The following CDH12 variants were observed in gnomAD, a reference collection of about 807,000 sequenced individuals.
The protein encoded by CDH12 is cadherin-12.
In CDH12, 41 loss-of-function variants were observed where a neutral mutation model predicts 74.1. The observed-to-expected ratio is 0.55, with a 90% CI of 0.43 to 0.72. The LOEUF (loss-of-function observed/expected upper bound fraction) is 0.72. Among genes scored for constraint, CDH12 ranks in the 30% least tolerant of loss-of-function variants. The pLI, the probability that CDH12 is intolerant of heterozygous loss-of-function variation, is 0.00. For synonymous variants in CDH12, 399 were observed against 355.0 expected (o/e 1.12, Z -1.39); for missense variants, 945 against 977.2 (o/e 0.97, Z 0.44).
chr5:22,087,361 CG>C (rs1286497592), intron 4 of CDH12, among the ~76,000 whole-genome samples: 1 of 152,028 alleles, frequency 6.6e-6, no homozygotes, highest in African/African-American at 2.4e-5. Flanking sequence ...GAAAAAAGGT[CG>C]GGTGTGATGG....
intron 7 of CDH12, among the ~76,000 whole-genome samples, chr5:21,847,504 G>A (rs1750237359): frequency 6.6e-6 from 1 of 152,000 alleles, no homozygotes; most frequent in Admixed American, 6.6e-5. Flanking sequence ...GACAATGGCA[G>A]CACTCCCTGG....
At chr5:22,543,534 C>A (rs1260070464) in intron 1 of CDH12, among the ~76,000 whole-genome samples, 1 of 151,920 alleles carries the variant, frequency 6.6e-6, no homozygotes, top group Non-Finnish European at 1.5e-5. Context: ...TAATATTAAA[C>A]CACCAAAAGG....
At chr5:22,544,994 C>T (rs1358368895) in intron 1 of CDH12, among the ~76,000 whole-genome samples, 2 of 152,104 alleles carry the variant, frequency 1.3e-5, no homozygotes, top group Non-Finnish European at 2.9e-5. Context: ...ACTATTCCAT[C>T]TACTCACACA....
intron 3 of CDH12, among the ~76,000 whole-genome samples, chr5:22,301,833 T>A (rs1424706547): frequency 6.6e-6 from 1 of 151,844 alleles, no homozygotes; most frequent in Non-Finnish European, 1.5e-5. Flanking sequence ...TTCATTTATT[T>A]ATTTATTGTA....
intron 3 of CDH12, among the ~76,000 whole-genome samples, chr5:22,336,412 T>C (rs1739582804): frequency 6.6e-6 from 1 of 152,152 alleles, no homozygotes; most frequent in South Asian, 2.1e-4. Context: ...CTCCAGGGCA[T>C]GTTAGAGGTC....
intron 1 of CDH12, chr5:22,639,103 G>T (rs1739002625): frequency 7.3e-6 from 1 of 136,114 alleles, no homozygotes; most frequent in Admixed American, 7.7e-5. Flanking sequence ...GCCTGGAGAA[G>T]CAGACGTTTT....
chr5:21,990,967 G>A (rs1174835402), intron 5 of CDH12, among the ~76,000 whole-genome samples: 2 of 150,480 alleles, frequency 1.3e-5, no homozygotes, highest in African/African-American at 4.9e-5. Context: ...TATCTTGAGA[G>A]AAAAAAACCA....
chr5:22,500,197 T>A (rs190847457), intron 2 of CDH12, among the ~76,000 whole-genome samples: 2 of 152,290 alleles, frequency 1.3e-5, no homozygotes, highest in East Asian at 3.9e-4. Context: ...CTTGCCTCAC[T>A]GTGTATGAAT....
rs566824791 is a variant in CDH12, at chr5:22,007,155, T to C, written c.232-31770A>G. 8.7e-4 allele frequency among the ~76,000 whole-genome samples: 133 copies of C among 152,284 alleles called. 3 individuals are homozygous for C. Among genetic ancestry groups the C allele is most frequent in the Admixed American group, 8.6e-3 (132 of 15,300 alleles). ...TCTAGTGTAACAGTAGATAGCACTA[T>C]ATAAGGAAACCAATAAAGGTAATAA... On this transcript the variant is annotated intron_variant, in intron 5 of 14. Coordinates refer to ENST00000382254, the MANE Select transcript of CDH12 (RefSeq NM_004061.5).
chr5:22,157,596 A>T (rs1748100583), intron 4 of CDH12, among the ~76,000 whole-genome samples: 1 of 151,750 alleles, frequency 6.6e-6, no homozygotes, highest in South Asian at 2.1e-4. Context: ...TGAAAAAAAA[A>T]TTCCCCTTCT....
At chr5:22,053,279 A>G (rs764087134) in intron 5 of CDH12, among the ~76,000 whole-genome samples, 16 of 152,096 alleles carry the variant, frequency 1.1e-4, no homozygotes, top group Non-Finnish European at 1.9e-4. Flanking sequence ...GGACTGAATT[A>G]ACATATGTCT....
At chr5:22,650,353 C>A (rs1739671164) in intron 1 of CDH12, among the ~76,000 whole-genome samples, 1 of 151,972 alleles carries the variant, frequency 6.6e-6, no homozygotes, top group African/African-American at 2.4e-5. Flanking sequence ...GAAACCATAT[C>A]TAGTCTTTGA....
At chr5:22,538,472 T>C (rs999245950) in intron 1 of CDH12, among the ~76,000 whole-genome samples, 10 of 152,210 alleles carry the variant, frequency 6.6e-5, no homozygotes, top group African/African-American at 2.2e-4. Flanking sequence ...GGCTGCTTTA[T>C]GCATTGTGAG....
chr5:22,425,166 TATATAA>T (rs367826941), intron 2 of CDH12, among the ~76,000 whole-genome samples: 4,199 of 134,162 alleles, frequency 0.031, 96 homozygotes, highest in Non-Finnish European at 0.043. Context: ...TATATATATA[TATATAA>T]ATATATATAT....
intron 6 of CDH12, among the ~76,000 whole-genome samples, chr5:21,947,825 T>G (rs2150097145): frequency 6.6e-6 from 1 of 152,286 alleles, no homozygotes; most frequent in Non-Finnish European, 1.5e-5. Context: ...AAAAAAGGTT[T>G]CATGGGCTGG....
At chr5:22,155,816 T>G (rs1747987869) in intron 4 of CDH12, among the ~76,000 whole-genome samples, 6 of 152,166 alleles carry the variant, frequency 3.9e-5, no homozygotes, top group Admixed American at 3.9e-4. Flanking sequence ...ATGAGCTTCA[T>G]GCACTTGGTT....
chr5:22,329,428 A>G (rs899181836), intron 3 of CDH12, among the ~76,000 whole-genome samples: 1 of 152,222 alleles, frequency 6.6e-6, no homozygotes, highest in Non-Finnish European at 1.5e-5. Context: ...TCTAACCACT[A>G]GAATATGGCA....
At chr5:22,419,295 G>A (rs1743533480) in intron 2 of CDH12, among the ~76,000 whole-genome samples, 1 of 152,018 alleles carries the variant, frequency 6.6e-6, no homozygotes, top group Non-Finnish European at 1.5e-5. Flanking sequence ...TTGTCTTGAT[G>A]ATCTCCCTTC....
intron 11 of CDH12, among the ~76,000 whole-genome samples, chr5:21,778,320 A>G (rs1370719760): frequency 1.3e-5 from 2 of 152,102 alleles, no homozygotes; most frequent in African/African-American, 4.8e-5. Flanking sequence ...GGTTCATTGA[A>G]AGGATCAGAT....
Sources: allele counts gnomAD v4.1 joint callset (sites outside exome capture counted in the v4.1 genomes callset), GRCh38; gene constraint gnomAD v4.1.1; transcripts MANE v1.5; gene names NCBI Gene and HGNC (gene_info 2026-07-23, HGNC 2026-07-21).